NCAPD3: variants seen among roughly 807,000 people sequenced by gnomAD.
NCAPD3 encodes the protein non-SMC condensin II complex subunit D3.
NCAPD3 carries 105 observed loss-of-function variants against 182.9 expected under a neutral mutation model. The observed-to-expected ratio is 0.57, with a 90% confidence interval of 0.49 to 0.68. The LOEUF (loss-of-function observed/expected upper bound fraction) is 0.68. NCAPD3 is among the 30% of genes least tolerant of loss of function. The pLI, the probability that NCAPD3 is intolerant of heterozygous loss-of-function variation, is 0.00. For missense variants in NCAPD3, 1,944 were observed against 1,837.0 expected, an observed-to-expected ratio of 1.06 and a Z score of -1.07; for synonymous variants, 815 against 679.9, an observed-to-expected ratio of 1.20 and a Z score of -3.09.
chr11:134,205,508 T>C (rs990090446), intron 8 of NCAPD3, among the ~76,000 whole-genome samples: 11 of 151,684 alleles, frequency 7.3e-5, no homozygotes, highest in South Asian at 2.1e-4. Context: ...GCCTCCCGAG[T>C]AGCTGGGATT....
intron 27 of NCAPD3, among the ~76,000 whole-genome samples, chr11:134,166,768 G>A (rs1386831380): frequency 1.6e-5 from 2 of 122,934 alleles, no homozygotes; most frequent in African/African-American, 3.3e-5. Context: ...CTCGTGAGAT[G>A]AGCTTGGGGG....
rs1943172896 is a variant in NCAPD3 at position 134,150,190 on chromosome 11, C to T, written c.*2754G>A. The T allele has an allele frequency of 6.5e-6, 1 of 152,806 alleles. No individual in the cohort carries two copies. The highest frequency in any genetic ancestry group is 2.4e-5 in the African/African-American group (1 of 41,406). The allele number at this position is 152,806 out of a possible 1,614,324, so 9.5% of individuals were successfully genotyped here. A position where few individuals can be genotyped will look rare whatever the true frequency, so the allele number is the denominator to read the frequency against. On this transcript the variant is annotated 3_prime_UTR_variant, in exon 35 of 35. Coordinates refer to ENST00000534548, the MANE Select transcript of NCAPD3 (RefSeq NM_015261.3). ...TTTTTCACAAGGGAACTCATACTGTCTACACATCAGACCATAGTTGCTTAG... is the reference window on the plus strand; with the variant it reads ...TTTTTCACAAGGGAACTCATACTGTTTACACATCAGACCATAGTTGCTTAG...
chr11:134,214,890 T>C (rs1937960305), intron 3 of NCAPD3, among the ~76,000 whole-genome samples: 2 of 152,114 alleles, frequency 1.3e-5, no homozygotes. Flanking sequence ...ATTACCAAGA[T>C]ACCCAGATAC....
chr11:134,152,861 T>G lies in NCAPD3; in HGVS notation c.*83A>C. 1 of 1,136,958 alleles carries G rather than the reference T, an allele frequency of 8.8e-7. No individual in the cohort carries two copies. 70.4% of individuals were successfully genotyped at this position (1,136,958 alleles called of 1,614,324 possible). ...AGCGCTGCCCAAGGACTGCGGGAAG[T>G]GATCCAGCTGCCTTCACACGGAGGA... On this transcript the variant is annotated 3_prime_UTR_variant, in exon 35 of 35. Coordinates refer to ENST00000534548, the MANE Select transcript of NCAPD3 (RefSeq NM_015261.3).
Position 134,185,423 on chromosome 11 carries a change from G to C in NCAPD3, c.2149C>G (p.Pro717Ala), listed in dbSNP as rs534357227. ...ISHTGTEHSA[P>A]AWMLLSKIAG... ...ATCTTGGAGAGCAGCATCCAGGCAG[G>C]TGCCGAATGTTCCGTGCCAGTGTGA... The change falls in exon 17 of 35, where the codon CCT (proline) becomes GCT (alanine). Residue 717 changes from proline to alanine, a missense_variant. By Grantham distance (27) the Pro-to-Ala change is conservative (BLOSUM62 -1). Transcript: ENST00000534548. The C allele has an allele frequency of 1.9e-6, 3 of 1,614,120 alleles. No homozygotes were observed. In the South Asian group the frequency reaches 3.3e-5, roughly 18 times the overall value.
rs1388609690 is a variant in NCAPD3 at position 134,154,530 on chromosome 11, CCGGGTGGTG to C, written c.4253-1176_4253-1168del. On this transcript the variant is annotated intron_variant, in intron 32 of 34. Transcript: ENST00000534548. ...ACACATGCCACCCTGTCTTGGAGGC[CCGGGTGGTG>C]CAGCCTCACCCCTCCTGGGTGGTGC... Among the ~76,000 whole-genome samples, 427 of 147,472 alleles carry C rather than the reference CCGGGTGGTG, an allele frequency of 2.9e-3. 13 individuals are homozygous for C. Among genetic ancestry groups the C allele is most frequent in the African/African-American group, 0.011 (411 of 38,646 alleles).
chr11:134,192,512 C>T (rs555036813), intron 16 of NCAPD3, among the ~76,000 whole-genome samples, 177 bp downstream of exon 16: 112 of 152,210 alleles, frequency 7.4e-4, no homozygotes, highest in Middle Eastern at 6.8e-3. Flanking sequence ...AACATACAGG[C>T]GATAAAAATA....
chr11:134,186,997 T>C (rs1208166875), intron 16 of NCAPD3, among the ~76,000 whole-genome samples: 2 of 152,186 alleles, frequency 1.3e-5, no homozygotes, highest in African/African-American at 2.4e-5. Flanking sequence ...ATGTTTATTA[T>C]ATGTAGCCAA....
chr11:134,153,241 C>T, intron 33 of NCAPD3, 41 bp from the exon 34 acceptor site: 2 of 1,613,878 alleles, frequency 1.2e-6, no homozygotes, highest in Admixed American at 1.7e-5. Context: ...TTTCCCAGAA[C>T]CTCAAAGGCA....
At chr11:134,185,273 G>T in intron 17 of NCAPD3, 62 bp downstream of exon 17, 1 of 1,427,346 alleles carries the variant, frequency 7.0e-7, no homozygotes, top group Non-Finnish European at 9.4e-7. Flanking sequence ...ACTTCCTTAA[G>T]TCTTGGGCTT....
intron 13 of NCAPD3, among the ~76,000 whole-genome samples, chr11:134,199,826 C>A (rs1565548679): frequency 3.3e-5 from 5 of 152,166 alleles, no homozygotes; most frequent in Non-Finnish European, 5.9e-5. Context: ...TTTCCCCTCT[C>A]CTACGCTAGA....
intron 24 of NCAPD3, among the ~76,000 whole-genome samples, chr11:134,171,538 C>T (rs1415629146): frequency 6.6e-6 from 1 of 152,150 alleles, no homozygotes; most frequent in East Asian, 1.9e-4. Context: ...ACCTGGCCTA[C>T]AACACATCTA....
chr11:134,192,621 A>G lies in NCAPD3; in HGVS notation c.2045+68T>C, dbSNP rs116737815. 1.3e-3 allele frequency: 1,785 copies of G among 1,380,748 alleles called. 9 individuals carry two copies. In the African/African-American group the frequency reaches 0.023, roughly 18 times the overall value. The allele number at this position is 1,380,748 out of a possible 1,614,324, so 85.5% of individuals were successfully genotyped here. On this transcript the variant is annotated intron_variant, in intron 16 of 34. Coordinates refer to ENST00000534548, the MANE Select transcript of NCAPD3 (RefSeq NM_015261.3). ...AGCTGATTTTTCGAGGACCAATAGG[A>G]GAAATTTATTAATACAAAGTCCTAC...
In NCAPD3 at chr11:134,204,543, T is replaced by C. The variant is rs996396059; in HGVS notation, c.1089+356A>G. Among the ~76,000 whole-genome samples, 3 of 152,184 alleles carry C rather than the reference T, an allele frequency of 2.0e-5. No individual in the cohort carries two copies. Among genetic ancestry groups the C allele is most frequent in the Non-Finnish European group, 4.4e-5 (3 of 68,032 alleles). On this transcript the variant is annotated intron_variant, in intron 9 of 34. Coordinates refer to ENST00000534548, the MANE Select transcript of NCAPD3 (RefSeq NM_015261.3). This position sits in a 1 kb window ranked among gnomAD's most constrained non-coding sequence, Gnocchi z 4.3. ...AAGGAATTACCGTGAAAGGATATGATGGAATTTGCTTCAAAACACAATCCA... is the reference window on the plus strand; with the variant it reads ...AAGGAATTACCGTGAAAGGATATGACGGAATTTGCTTCAAAACACAATCCA...
rs1944807367 is a variant in NCAPD3, at chr11:134,204,232, T to C, written c.1090-61A>G. On this transcript the variant is annotated intron_variant, in intron 9 of 34. Coordinates refer to ENST00000534548, the MANE Select transcript of NCAPD3 (RefSeq NM_015261.3). The surrounding 1 kb of genome is among the most constrained non-coding windows in gnomAD (Gnocchi z 4.3). ...CCACCCGCAGGATGGCTGAAACATA[T>C]TCTGTAATATAAGTTGAAAGTCAGT... 2 of 1,572,914 alleles carry C rather than the reference T, an allele frequency of 1.3e-6. No homozygotes were observed. The highest frequency in any genetic ancestry group is 1.7e-6 in the Non-Finnish European group (2 of 1,154,670).
chr11:134,193,921 A>C (rs1944573687), intron 15 of NCAPD3, 95 bp downstream of exon 15: 1 of 1,311,194 alleles, frequency 7.6e-7, no homozygotes, highest in Non-Finnish European at 1.1e-6. Context: ...GAGTTTTTAA[A>C]GGTCAACTTA....
At chr11:134,212,970 C>T (rs998175663) in intron 3 of NCAPD3, among the ~76,000 whole-genome samples, 13 of 152,256 alleles carry the variant, frequency 8.5e-5, no homozygotes, top group African/African-American at 3.1e-4. Context: ...GATAATTACT[C>T]TAAATGTAAT....
chr11:134,168,104 C>T lies in NCAPD3; in HGVS notation c.3465G>A (p.Lys1155=). The T allele has an allele frequency of 6.2e-7, 1 of 1,614,148 alleles. No individual in the cohort carries two copies. Among genetic ancestry groups the T allele is most frequent in the South Asian group, 1.1e-5 (1 of 91,090 alleles). Residue 1155 remains lysine (K), a synonymous_variant, in exon 27 of 35, where the codon AAG becomes AAA. Transcript: ENST00000534548. The part of the protein sequence containing the change: ...TFEVLSSKEI[K]LLAMRSKPDK... ...CTGGTTTAGATCTCATTGCCAAAAG[C>T]TTGATCTCCTTTGAGCTGAGGACCT... is the stretch of plus-strand genomic sequence containing the variant.
Position 134,208,560 on chromosome 11 carries a change from T to C in NCAPD3, c.882+304A>G, listed in dbSNP as rs962636624. 1.2e-4 allele frequency among the ~76,000 whole-genome samples: 19 copies of C among 152,220 alleles called. 1 individual carries two copies. Among genetic ancestry groups the C allele is most frequent in the Non-Finnish European group, 1.9e-4 (13 of 68,032 alleles). ...GTGTTCAGCAGCTCATCTGTTCCTA[T>C]AGAAGTAACTGTTCAGCAGTTTATC... On this transcript the variant is annotated intron_variant, in intron 7 of 34. Coordinates refer to ENST00000534548, the MANE Select transcript of NCAPD3 (RefSeq NM_015261.3).
Sources: allele counts gnomAD v4.1 joint callset (sites outside exome capture counted in the v4.1 genomes callset), GRCh38; gene constraint gnomAD v4.1.1; non-coding constraint Gnocchi (gnomAD v3.1); transcripts MANE v1.5; gene names NCBI Gene and HGNC (gene_info 2026-07-23, HGNC 2026-07-21).